Variants in RIOX2 observed in about 807,000 individuals in gnomAD.
RIOX2 encodes the protein ribosomal oxygenase 2, also known as 60S ribosomal protein L27a histidine hydroxylase.
In RIOX2, 43 loss-of-function variants were observed where a neutral mutation model predicts 51.2. The ratio of observed to expected loss-of-function variants is 0.84; its 90% CI spans 0.66 to 1.08. The LOEUF (loss-of-function observed/expected upper bound fraction) is 1.08. Ranked by LOEUF, RIOX2 falls within the 50% of genes least tolerant of loss-of-function variation. The pLI, the probability that RIOX2 is intolerant of heterozygous loss-of-function variation, is 0.00. For synonymous variants in RIOX2, 226 were observed against 218.5 expected (o/e 1.03, Z -0.30); for missense variants, 566 against 561.7 (o/e 1.01, Z -0.08).
intron 5 of RIOX2, chr3:97,952,326 A>G: frequency 1.1e-6 from 1 of 899,998 alleles, no homozygotes; most frequent in Non-Finnish European, 1.6e-6. Flanking sequence ...TAAGCAGGCA[A>G]CTTCTGTAAC....
chr3:97,963,965 A>G (rs1705778488), intron 2 of RIOX2, among the ~76,000 whole-genome samples: 1 of 152,192 alleles, frequency 6.6e-6, no homozygotes, highest in Admixed American at 6.5e-5. Flanking sequence ...GCATAAAACA[A>G]CTTATCACAA....
chr3:97,957,373 G>C lies in RIOX2; in HGVS notation c.681+1678C>G, dbSNP rs181182369. Among the ~76,000 whole-genome samples the C allele has an allele frequency of 3.0e-3, 455 of 152,088 alleles. 4 individuals are homozygous for C. Among genetic ancestry groups the C allele is most frequent in the Non-Finnish European group, 4.6e-3 (312 of 67,966 alleles). ...TAGCCGGGCATGGTGGTAGGCAGCT[G>C]TAATCCCAGCTACTCGGGAGGCTGA... On this transcript the variant is annotated intron_variant, in intron 4 of 9. Transcript: ENST00000394198.
rs1575987857 is a variant in RIOX2 at position 97,944,906 on chromosome 3, T to C, written c.*278A>G. ...CAGGTTAATGACATTCAATTCTAAATGATACATTGGAATTGTGCCTTTTCT... is the reference window on the plus strand; with the variant it reads ...CAGGTTAATGACATTCAATTCTAAACGATACATTGGAATTGTGCCTTTTCT... On this transcript the variant is annotated 3_prime_UTR_variant, in exon 10 of 10. Coordinates refer to ENST00000394198, the MANE Select transcript of RIOX2 (RefSeq NM_153182.4). 2 of 232,990 alleles carry C rather than the reference T, an allele frequency of 8.6e-6. No individual in the cohort carries two copies. Among genetic ancestry groups the C allele is most frequent in the Non-Finnish European group, 8.2e-6 (1 of 121,362 alleles). 14.4% of individuals were successfully genotyped at this position (232,990 alleles called of 1,614,324 possible). A position where few individuals can be genotyped will look rare whatever the true frequency, so the allele number is the denominator to read the frequency against.
chr3:97,961,413 G>C (rs1432972846), intron 3 of RIOX2, among the ~76,000 whole-genome samples, 176 bp downstream of exon 3: 1 of 152,128 alleles, frequency 6.6e-6, no homozygotes, highest in African/African-American at 2.4e-5. Flanking sequence ...CAGTTTAGTG[G>C]GATTTACTTT....
At position 97,942,465 on chromosome 3, in the gene RIOX2, A is replaced by G. The variant is rs759363790; in HGVS notation, c.*2719T>C. Reference sequence around the variant, plus strand: ...AAAGGTGGGCCTTTGATGATACCCAATGTTGTGTCCCTGGATATTAGTTTC... The same window carrying G: ...AAAGGTGGGCCTTTGATGATACCCAGTGTTGTGTCCCTGGATATTAGTTTC... On this transcript the variant is annotated 3_prime_UTR_variant, in exon 10 of 10. Coordinates refer to ENST00000394198, the MANE Select transcript of RIOX2 (RefSeq NM_153182.4). 2.3e-5 allele frequency: 37 copies of G among 1,588,630 alleles called. No homozygotes were observed. Among genetic ancestry groups the G allele is most frequent in the Middle Eastern group, 1.9e-4 (1 of 5,258 alleles).
At chr3:97,971,584 C>G (rs1383688761) in intron 1 of RIOX2, 1 of 152,198 alleles carries the variant, frequency 6.6e-6, no homozygotes, top group East Asian at 1.9e-4. Flanking sequence ...AGGAAACGGA[C>G]TATACCTCAA....
At chr3:97,951,849 C>A (rs983958271) in intron 5 of RIOX2, among the ~76,000 whole-genome samples, 1 of 152,214 alleles carries the variant, frequency 6.6e-6, no homozygotes, top group Non-Finnish European at 1.5e-5. Flanking sequence ...TCCAACCCTG[C>A]ATCTTTAATT....
intron 8 of RIOX2, 129 bp from the exon 9 acceptor site, chr3:97,946,016 T>C (rs965620607): frequency 1.5e-5 from 10 of 657,196 alleles, no homozygotes; most frequent in Middle Eastern, 2.4e-4. Context: ...GTGAAATTTA[T>C]TGAATACTGT....
At chr3:97,965,785 A>G (rs1483342460) in intron 2 of RIOX2, among the ~76,000 whole-genome samples, 1 of 152,202 alleles carries the variant, frequency 6.6e-6, no homozygotes, top group Non-Finnish European at 1.5e-5. Flanking sequence ...CTGGTCTATG[A>G]CCAAAGTACA....
rs1421985462 is a variant in RIOX2, at chr3:97,950,811, G to A, written c.863C>T (p.Thr288Ile). Residue 288 changes from threonine to isoleucine, a missense_variant, in exon 6 of 10, where the codon ACC becomes ATC. Physicochemically the swap from Thr to Ile is moderately conservative, Grantham distance 89. Transcript: ENST00000394198. Reference sequence around the variant, plus strand: ...CAGGAGCAGCTGCCGGGGTATGCCGGTCCGTAACTCCACGTCTTCCTTTGC... The same window carrying A: ...CAGGAGCAGCTGCCGGGGTATGCCGATCCGTAACTCCACGTCTTCCTTTGC... Reference protein sequence around the residue: ...DTAKEDVELRTGIPRQLLLQV... With the variant: ...DTAKEDVELRIGIPRQLLLQV... The A allele has an allele frequency of 6.2e-7, 1 of 1,613,530 alleles. No homozygotes were observed. Among genetic ancestry groups the A allele is most frequent in the Non-Finnish European group, 8.5e-7 (1 of 1,179,732 alleles).
intron 3 of RIOX2, among the ~76,000 whole-genome samples, chr3:97,959,622 G>A (rs1705597421): frequency 6.6e-6 from 1 of 152,112 alleles, no homozygotes; most frequent in African/African-American, 2.4e-5. Flanking sequence ...CTAACAGCAT[G>A]GGGATGAACC....
At position 97,954,296 on chromosome 3, in the gene RIOX2, G is replaced by A. The variant is rs1168912342; in HGVS notation, c.785+96C>T. On this transcript the variant is annotated intron_variant, in intron 5 of 9. Transcript: ENST00000394198. Reference sequence around the variant, plus strand: ...ATAAACCCTGGGGTTTGCATAGGAGGTAGGGGCCAACTCCCTCATATCCCT... The same window carrying A: ...ATAAACCCTGGGGTTTGCATAGGAGATAGGGGCCAACTCCCTCATATCCCT... The A allele has an allele frequency of 9.6e-6, 8 of 835,388 alleles. No individual in the cohort carries two copies. In the East Asian group the frequency reaches 1.8e-4, roughly 19 times the overall value. The allele number at this position is 835,388 out of a possible 1,614,324, so 51.7% of individuals were successfully genotyped here. A position where few individuals can be genotyped will look rare whatever the true frequency, so the allele number is the denominator to read the frequency against.
Position 97,943,251 on chromosome 3 carries a change from T to C in RIOX2, c.*1933A>G, listed in dbSNP as rs1457759808. 5.0e-6 allele frequency: 8 copies of C among 1,587,750 alleles called. No homozygotes were observed. Among genetic ancestry groups the C allele is most frequent in the Non-Finnish European group, 6.9e-6 (8 of 1,159,102 alleles). On this transcript the variant is annotated 3_prime_UTR_variant, in exon 10 of 10. Transcript: ENST00000394198. The stretch of plus-strand genomic sequence containing the variant: ...GAGGAAATTATTGTGACAAGACTCA[T>C]GTAATTGTAAATCAGCCCCTGGAGG...
intron 8 of RIOX2, among the ~76,000 whole-genome samples, chr3:97,947,012 T>C (rs1384014009): frequency 2.0e-5 from 3 of 151,926 alleles, no homozygotes; most frequent in African/African-American, 4.8e-5. Flanking sequence ...CAAAACCACA[T>C]AGAAATATAG....
intron 4 of RIOX2, among the ~76,000 whole-genome samples, chr3:97,957,910 G>A (rs539343117): frequency 8.5e-5 from 13 of 152,280 alleles, no homozygotes; most frequent in African/African-American, 2.9e-4. Flanking sequence ...CGCTCTGCTG[G>A]TGTAGTATGA....
At chr3:97,956,770 C>G (rs1175496008) in intron 4 of RIOX2, among the ~76,000 whole-genome samples, 1 of 152,202 alleles carries the variant, frequency 6.6e-6, no homozygotes, top group Non-Finnish European at 1.5e-5. Flanking sequence ...GCTGGGATTA[C>G]AGGCGTGAGC....
intron 7 of RIOX2, among the ~76,000 whole-genome samples, chr3:97,949,268 G>C (rs2107140455): frequency 6.6e-6 from 1 of 152,158 alleles, no homozygotes; most frequent in African/African-American, 2.4e-5. Context: ...GTTAAAAAGA[G>C]CCTGGCACTT....
At chr3:97,966,644 T>C (rs2107194620) in intron 2 of RIOX2, among the ~76,000 whole-genome samples, 1 of 152,290 alleles carries the variant, frequency 6.6e-6, no homozygotes, top group East Asian at 1.9e-4. Context: ...TGTCACCCAT[T>C]CGGGTGTTAT....
chr3:97,959,312 T>TTG, intron 3 of RIOX2, 133 bp from the exon 4 acceptor site: 1 of 800,234 alleles, frequency 1.2e-6, no homozygotes, highest in Non-Finnish European at 1.8e-6. Context: ...ACAGGTTTTT[T>TTG]TTTTTTTTTT....
Sources: allele counts gnomAD v4.1 joint callset (sites outside exome capture counted in the v4.1 genomes callset), GRCh38; gene constraint gnomAD v4.1.1; transcripts MANE v1.5; gene names NCBI Gene and HGNC (gene_info 2026-07-23, HGNC 2026-07-21).